PHRF1: variants seen among roughly 807,000 people sequenced by gnomAD.
PHRF1 encodes PHD and ring finger domains 1.
A neutral mutation model predicts 128.9 loss-of-function variants in PHRF1; 53 were observed. The observed-to-expected ratio is 0.41, with a 90% CI of 0.33 to 0.52. The LOEUF is 0.52. PHRF1 is among the 20% of genes least tolerant of loss of function. PHRF1 has a pLI of 0.21. For synonymous variants in PHRF1, 1,178 were observed against 980.6 expected (o/e 1.20, Z -3.76); for missense variants, 2,503 against 2,284.5 (o/e 1.10, Z -1.95).
chr11:578,391 G>A (rs780124178), intron 1 of PHRF1, among the ~76,000 whole-genome samples: 31 of 152,182 alleles, frequency 2.0e-4, no homozygotes, highest in Non-Finnish European at 3.1e-4. Flanking sequence ...CACCAGCTGT[G>A]GTAAAGTTCA....
At chr11:611,156 A>T in intron 17 of PHRF1, 74 bp downstream of exon 17, 1 of 1,585,746 alleles carries the variant, frequency 6.3e-7, no homozygotes, top group East Asian at 2.3e-5. Flanking sequence ...GTCAGCATGG[A>T]CTTTGGGGTG....
chr11:579,855 G>T (rs189478863), intron 1 of PHRF1, among the ~76,000 whole-genome samples: 201 of 152,330 alleles, frequency 1.3e-3, no homozygotes, highest in Middle Eastern at 3.4e-3. Flanking sequence ...AGAATCTAGG[G>T]TTTTGCACTG....
intron 5 of PHRF1, 25 bp from the exon 6 acceptor site, chr11:592,534 G>T (rs949645378): frequency 5.6e-6 from 9 of 1,608,264 alleles, no homozygotes; most frequent in Admixed American, 1.7e-5. Context: ...GTCCTGTGTG[G>T]TGGTGACCGA....
Position 609,394 on chromosome 11 carries a change from G to T in PHRF1, c.3938G>T (p.Ser1313Ile), listed in dbSNP as rs747472909. 3.7e-6 allele frequency: 6 copies of T among 1,611,126 alleles called. No homozygotes were observed. The East Asian group carries it at 1.1e-4, about 30-fold the overall frequency. The change falls in exon 14 of 18, where the codon AGC becomes ATC. Residue 1313 changes from serine to isoleucine, a missense_variant. Ser to Ile is a moderately radical substitution (Grantham distance 142). Coordinates refer to ENST00000264555, the MANE Select transcript of PHRF1 (RefSeq NM_001286581.2). ...FPLKPALPPASLAVAAIQREV... is the reference protein window; with the variant it reads ...FPLKPALPPAILAVAAIQREV... ...CTGAAGCCTGCGTTGCCCCCAGCCA[G>T]CCTGGCCGTGGCCGCCATCCAGAGG...
chr11:610,448 G>A (rs545250410), intron 15 of PHRF1, 53 bp from the exon 16 acceptor site: 2 of 1,568,712 alleles, frequency 1.3e-6, no homozygotes, highest in Admixed American at 1.8e-5. Flanking sequence ...CAGCTCCTGG[G>A]CACAGAGCTG....
At chr11:595,893 G>GC (rs992525328) in intron 6 of PHRF1, among the ~76,000 whole-genome samples, 2 of 152,138 alleles carry the variant, frequency 1.3e-5, no homozygotes, top group Non-Finnish European at 2.9e-5. Context: ...CCCACCCGCC[G>GC]CCCCCCTCTG....
chr11:610,069 G>A (rs965633531), intron 14 of PHRF1, 127 bp from the exon 15 acceptor site: 1 of 1,234,592 alleles, frequency 8.1e-7, no homozygotes, highest in Admixed American at 2.9e-5. Context: ...TTGGTGCTGG[G>A]GGTGGATCTG....
chr11:610,763 T>C lies in PHRF1; in HGVS notation c.4677+2T>C. ...GCGGAGAAAACCAAGAAGGAGGAGG[T>C]GAGTCCTGCCTCCTCCCACTTTCCC... On this transcript the variant is annotated splice_donor_variant, in intron 16 of 17. Transcript: ENST00000264555. LOFTEE classifies it high-confidence loss of function. 1 of 1,600,320 alleles carries C rather than the reference T, an allele frequency of 6.2e-7. No homozygotes were observed. The highest frequency in any genetic ancestry group is 8.5e-7 in the Non-Finnish European group (1 of 1,179,072).
chr11:598,889 C>T (rs1452916937), intron 9 of PHRF1, among the ~76,000 whole-genome samples: 1 of 152,238 alleles, frequency 6.6e-6, no homozygotes, highest in Non-Finnish European at 1.5e-5. Flanking sequence ...AGTGATTTCG[C>T]ATCTTGTCTT....
intron 3 of PHRF1, among the ~76,000 whole-genome samples, chr11:584,219 T>C (rs1158287047): frequency 6.6e-6 from 1 of 152,170 alleles, no homozygotes; most frequent in Admixed American, 6.5e-5. Flanking sequence ...AGGTTAGGGC[T>C]CTGGTTCATC....
Position 598,489 on chromosome 11 carries a change from G to T in PHRF1, c.1011G>T (p.Arg337=), listed in dbSNP as rs374949833. ...TGACGCCGCGCACTCCCGCCCGACG[G>T]AAGAGGAAGACAAGTAAGCCTGAAG... ...RPLTPRTPAR[R]KRKTRRRKKV... is the part of the protein sequence containing the mutation. Residue 337 remains arginine, a synonymous_variant, in exon 9 of 18, where the codon CGG becomes CGT. Coordinates refer to ENST00000264555, the MANE Select transcript of PHRF1 (RefSeq NM_001286581.2). 6 of 1,608,730 alleles carry T rather than the reference G, an allele frequency of 3.7e-6. No individual in the cohort carries two copies. The African/African-American group carries it at 6.7e-5, about 18-fold the overall frequency.
intron 14 of PHRF1, 57 bp from the exon 15 acceptor site, chr11:610,139 G>T (rs12419195): frequency 6.9e-7 from 1 of 1,449,076 alleles, no homozygotes; most frequent in Admixed American, 2.8e-5. Flanking sequence ...CCATGAAACA[G>T]CATTCTGGGC....
chr11:607,394 G>T lies in PHRF1; in HGVS notation c.1938G>T (p.Ala646=). 6.2e-7 allele frequency: 1 copy of T among 1,612,806 alleles called. No homozygotes were observed. The highest frequency in any genetic ancestry group is 8.5e-7 in the Non-Finnish European group (1 of 1,179,886). Residue 646 remains alanine, a synonymous_variant, in exon 14 of 18, where the codon GCG becomes GCT. Coordinates refer to ENST00000264555, the MANE Select transcript of PHRF1 (RefSeq NM_001286581.2). ...ACACCTTGCCCCTTGCCTCTGCCGC[G>T]TCTAAGATCTCAAGCAGAGATTCTA... is the stretch of plus-strand genomic sequence containing the variant. ...NKHTLPLASA[A]SKISSRDSKP... is the part of the protein sequence containing the mutation.
In PHRF1 at chr11:605,725, G is replaced by A; in HGVS notation, c.1454+1G>A. 1.9e-6 allele frequency: 3 copies of A among 1,608,712 alleles called. No individual in the cohort carries two copies. The highest frequency in any genetic ancestry group is 1.7e-6 in the Non-Finnish European group (2 of 1,179,180). ...GGCCCGTCTCCGTGGGGCTTTCCAG[G>A]TGTGTGAGGGCAGAGGCTTCTGGGG... On this transcript the variant is annotated splice_donor_variant, in intron 12 of 17. Coordinates refer to ENST00000264555, the MANE Select transcript of PHRF1 (RefSeq NM_001286581.2). LOFTEE classifies it high-confidence loss of function.
At chr11:602,121 G>T (rs1589890024) in intron 10 of PHRF1, among the ~76,000 whole-genome samples, 1 of 152,162 alleles carries the variant, frequency 6.6e-6, no homozygotes, top group African/African-American at 2.4e-5. Flanking sequence ...GACAGGCCCT[G>T]TCCACCTCTT....
chr11:599,417 G>A (rs1292408786), intron 9 of PHRF1, among the ~76,000 whole-genome samples: 3 of 151,470 alleles, frequency 2.0e-5, no homozygotes, highest in Non-Finnish European at 2.9e-5. Context: ...CACCCACCTA[G>A]TTTTTGTATT....
At chr11:592,140 C>A (rs891781776) in intron 5 of PHRF1, among the ~76,000 whole-genome samples, 1 of 152,148 alleles carries the variant, frequency 6.6e-6, no homozygotes, top group Admixed American at 6.5e-5. Context: ...TGGTCTCGAT[C>A]TCCTGACCTC....
In PHRF1 at chr11:606,472, AGACTTGGAGGAGGAGCCAGTGCCT is replaced by A; in HGVS notation, c.1489_1512del (p.Glu498_Leu505del). ...GCCTCCCTGCCGCGGTGCCAGAGCCAGACTTGGAGGAGGAGCCAGTGCCTGACCTGCTGGGCAGCATCCTGTCGG... is the reference window on the plus strand; with the variant it reads ...GCCTCCCTGCCGCGGTGCCAGAGCCAGACCTGCTGGGCAGCATCCTGTCGG... On this transcript the variant is annotated inframe_deletion, in exon 13 of 18. Coordinates refer to ENST00000264555, the MANE Select transcript of PHRF1 (RefSeq NM_001286581.2). The A allele has an allele frequency of 6.3e-7, 1 of 1,586,312 alleles. No individual in the cohort carries two copies. The highest frequency in any genetic ancestry group is 8.5e-7 in the Non-Finnish European group (1 of 1,170,552).
chr11:577,466 C>T (rs754168226), intron 1 of PHRF1, among the ~76,000 whole-genome samples: 1 of 152,232 alleles, frequency 6.6e-6, no homozygotes, highest in Non-Finnish European at 1.5e-5. Context: ...TAGTTGATCT[C>T]TCTCCTGGAC....
Sources: allele counts gnomAD v4.1 joint callset (sites outside exome capture counted in the v4.1 genomes callset), GRCh38; gene constraint gnomAD v4.1.1; transcripts MANE v1.5; gene names NCBI Gene and HGNC (gene_info 2026-07-23, HGNC 2026-07-21).